Variants in PCDH11X observed in about 807,000 individuals in gnomAD.
The protein encoded by PCDH11X is protocadherin 11 X-linked, also known as protocadherin-11 X-linked.
A neutral mutation model predicts 53.3 loss-of-function variants in PCDH11X; 18 were observed. The ratio of observed to expected loss-of-function variants is 0.34; its 90% CI spans 0.23 to 0.50. The LOEUF is 0.50. Ranked by LOEUF, PCDH11X falls within the 20% of genes least tolerant of loss-of-function variation. The pLI, the probability that PCDH11X is intolerant of heterozygous loss-of-function variation, is 0.98. For synonymous variants in PCDH11X, 279 were observed against 393.3 expected, an observed-to-expected ratio of 0.71 and a Z score of 3.44; for missense variants, 570 against 1,032.4, an observed-to-expected ratio of 0.55 and a Z score of 6.14.
rs188644480 is a variant in PCDH11X at position 91,873,182 on chromosome X, G to T, written c.541-3599G>T. Among the ~76,000 whole-genome samples the T allele has an allele frequency of 4.6e-3, 508 of 109,310 alleles. 4 individuals are homozygous for T. Among genetic ancestry groups the T allele is most frequent in the African/African-American group, 0.016 (488 of 30,157 alleles). 94.9% of individuals were successfully genotyped at this position (109,310 alleles called of 115,157 possible). A position where few individuals can be genotyped will look rare whatever the true frequency, so the allele number is the denominator to read the frequency against. On this transcript the variant is annotated intron_variant, in intron 5 of 10. Coordinates refer to ENST00000682573, the MANE Select transcript of PCDH11X (RefSeq NM_032968.5). ...GCATGCAATCACCTGGCTAATCATA[G>T]ATTCTTTTTAAAGAAAAACATGATG...
intron 5 of PCDH11X, among the ~76,000 whole-genome samples, chrX:91,839,076 C>T (rs1278050843): frequency 3.6e-5 from 4 of 111,657 alleles, no homozygotes; most frequent in Non-Finnish European, 5.6e-5. Flanking sequence ...ATTTAGCTTA[C>T]GTTTTTATGA....
At chrX:92,480,651 G>C (rs1357862179) in intron 10 of PCDH11X, among the ~76,000 whole-genome samples, 6 of 110,609 alleles carry the variant, frequency 5.4e-5, no homozygotes. Context: ...ACTACGTGCT[G>C]TAACTCTGGG....
chrX:92,489,710 C>G (rs1376536026), intron 10 of PCDH11X, among the ~76,000 whole-genome samples: 1 of 105,503 alleles, frequency 9.5e-6, no homozygotes. Flanking sequence ...TCAGTTTTAC[C>G]TATTTCATTT....
chrX:92,069,251 C>T (rs1482358500), intron 6 of PCDH11X, among the ~76,000 whole-genome samples: 8 of 108,735 alleles, frequency 7.4e-5, no homozygotes, highest in Admixed American at 9.9e-5. Context: ...TTATACTTTT[C>T]GTCTTTAAAT....
At chrX:92,099,821 C>T (rs1035727258) in intron 6 of PCDH11X, among the ~76,000 whole-genome samples, 2 of 110,924 alleles carry the variant, frequency 1.8e-5, no homozygotes, top group Admixed American at 1.9e-4. Flanking sequence ...GGGAAAATTA[C>T]TCCTTTTGGT....
chrX:92,103,457 G>A (rs1357410770), intron 6 of PCDH11X, among the ~76,000 whole-genome samples: 1 of 111,221 alleles, frequency 9.0e-6, no homozygotes, highest in Non-Finnish European at 1.9e-5. Context: ...CTAAAGCTCG[G>A]CGTCCGTGAT....
In PCDH11X at chrX:92,196,614, GA is replaced by G. The variant is rs751572659; in HGVS notation, c.3034-4751del. Among the ~76,000 whole-genome samples the G allele has an allele frequency of 8.5e-3, 914 of 107,449 alleles. 6 individuals are homozygous for G. The highest frequency in any genetic ancestry group is 0.027 in the African/African-American group (806 of 29,696). The allele number at this position is 107,449 out of a possible 115,157, so 93.3% of individuals were successfully genotyped here. A position where few individuals can be genotyped will look rare whatever the true frequency, so the allele number is the denominator to read the frequency against. ...GTAAATTTTTGTTTTTCAGATATAT[GA>G]AAAAAAAAATTAAAAAACCTCTAAG... On this transcript the variant is annotated intron_variant, in intron 6 of 10. Transcript: ENST00000682573.
chrX:92,468,390 G>C (rs2148662107), intron 10 of PCDH11X, 68 bp downstream of exon 10: 1 of 1,122,025 alleles, frequency 8.9e-7, no homozygotes, highest in East Asian at 3.2e-5. Flanking sequence ...GTGCTGATTT[G>C]TGTTTAAGAA....
intron 6 of PCDH11X, among the ~76,000 whole-genome samples, chrX:91,890,328 G>A (rs1224999394): frequency 9.0e-6 from 1 of 110,920 alleles, no homozygotes; most frequent in Admixed American, 9.7e-5. Context: ...ATTATGCCTC[G>A]TTTCTAAACT....
At chrX:92,419,593 A>G (rs1340396495) in intron 9 of PCDH11X, among the ~76,000 whole-genome samples, 3 of 92,281 alleles carry the variant, frequency 3.3e-5, no homozygotes, top group Admixed American at 1.2e-4. Context: ...ATGTTATTGG[A>G]TTTAATTCTA....
chrX:91,801,086 G>A lies in PCDH11X; in HGVS notation c.-378-8380G>A, dbSNP rs758206705. Among the ~76,000 whole-genome samples the A allele has an allele frequency of 6.3e-3, 648 of 102,087 alleles. 3 individuals carry two copies. Among genetic ancestry groups the A allele is most frequent in the Middle Eastern group, 0.01 (2 of 197 alleles). 88.7% of individuals were successfully genotyped at this position (102,087 alleles called of 115,157 possible). ...ACCAAGGTACTCTGGAGGCTGAGGT[G>A]GGAGGATTACTTGAGCCTGGGAGGT... On this transcript the variant is annotated intron_variant, in intron 1 of 10. Coordinates refer to ENST00000682573, the MANE Select transcript of PCDH11X (RefSeq NM_032968.5).
intron 6 of PCDH11X, among the ~76,000 whole-genome samples, chrX:91,924,992 T>G (rs1941892583): frequency 9.1e-6 from 1 of 110,069 alleles, no homozygotes; most frequent in Non-Finnish European, 1.9e-5. Flanking sequence ...ATCTTCATCA[T>G]GGTTTGACAT....
At chrX:92,188,653 C>T (rs936550146) in intron 6 of PCDH11X, among the ~76,000 whole-genome samples, 14 of 111,297 alleles carry the variant, frequency 1.3e-4, no homozygotes, top group Admixed American at 3.9e-4. Flanking sequence ...GGCCATGAGA[C>T]GGGGTAGATG....
intron 10 of PCDH11X, among the ~76,000 whole-genome samples, chrX:92,595,994 T>A (rs1450412476): frequency 9.0e-6 from 1 of 110,900 alleles, no homozygotes; most frequent in Non-Finnish European, 1.9e-5. Flanking sequence ...AAGTGCTACC[T>A]CCTCATGTGG....
chrX:92,510,339 C>A (rs1347941908), intron 10 of PCDH11X, among the ~76,000 whole-genome samples: 1 of 98,769 alleles, frequency 1.0e-5, no homozygotes, highest in Non-Finnish European at 2.1e-5. Context: ...ATAAGAGAAG[C>A]ACTTTAGCTG....
intron 10 of PCDH11X, among the ~76,000 whole-genome samples, chrX:92,484,108 GTA>G (rs1366709152): frequency 3.1e-5 from 3 of 96,763 alleles, no homozygotes; most frequent in Non-Finnish European, 4.0e-5. Context: ...GTGTGTGTGT[GTA>G]TATATATAGT....
chrX:92,524,342 C>A (rs6619062), intron 10 of PCDH11X, among the ~76,000 whole-genome samples: 34,023 of 108,302 alleles, frequency 0.31, 4,604 homozygotes, highest in East Asian at 0.43. Context: ...TGTCCAAATT[C>A]TACTCTACGT....
chrX:92,048,738 G>T (rs929359164), intron 6 of PCDH11X, among the ~76,000 whole-genome samples: 1 of 111,887 alleles, frequency 8.9e-6, no homozygotes, highest in Non-Finnish European at 1.9e-5. Flanking sequence ...CTTAAACTCC[G>T]TATTTGAAGA....
chrX:92,039,689 C>A (rs774629362), intron 6 of PCDH11X, among the ~76,000 whole-genome samples: 5 of 111,843 alleles, frequency 4.5e-5, no homozygotes, highest in African/African-American at 6.5e-5. Flanking sequence ...ACCCCAAGAA[C>A]CTGCTTTATG....
Sources: allele counts gnomAD v4.1 joint callset (sites outside exome capture counted in the v4.1 genomes callset), GRCh38; gene constraint gnomAD v4.1.1; transcripts MANE v1.5; gene names NCBI Gene and HGNC (gene_info 2026-07-23, HGNC 2026-07-21).